Variants in MIOS observed in about 807,000 individuals in gnomAD.
MIOS encodes meiosis regulator for oocyte development.
A neutral mutation model predicts 96.9 loss-of-function variants in MIOS; 52 were observed. That is an observed-to-expected ratio of 0.54 (90% CI 0.43 to 0.68). MIOS has a LOEUF of 0.68. Among genes scored for constraint, MIOS ranks in the 30% least tolerant of loss-of-function variants. The pLI, the probability that MIOS is intolerant of heterozygous loss-of-function variation, is 0.00. For synonymous variants in MIOS, 397 were observed against 359.5 expected, an observed-to-expected ratio of 1.10 and a Z score of -1.18; for missense variants, 1,005 against 1,052.8, an observed-to-expected ratio of 0.95 and a Z score of 0.63.
In MIOS at chr7:7,574,184, A is replaced by C. The variant is rs756528325; in HGVS notation, c.1381A>C (p.Lys461Gln). The C allele has an allele frequency of 6.2e-7, 1 of 1,605,514 alleles. No individual in the cohort carries two copies. The highest frequency in any genetic ancestry group is 1.1e-5 in the South Asian group (1 of 89,724). Reference protein sequence around the residue: ...LVYAGIKSIVKSSLGMVESSR... With the variant: ...LVYAGIKSIVQSSLGMVESSR... Reference sequence around the variant, plus strand: ...TTATGCAGGAATTAAATCAATTGTAAAGTCATCGTTGGGTAAGAAAATTCT... The same window carrying C: ...TTATGCAGGAATTAAATCAATTGTACAGTCATCGTTGGGTAAGAAAATTCT... Residue 461 changes from lysine to glutamine, a missense_variant, in exon 5 of 13, where the codon AAG (lysine) becomes CAG (glutamine). This residue lies in a region of MIOS where 865 missense variants were observed against 887.9 expected (regional missense o/e 0.97). Coordinates refer to ENST00000340080, the MANE Select transcript of MIOS (RefSeq NM_019005.4).
At chr7:7,574,853 A>G (rs7779415) in intron 5 of MIOS, among the ~76,000 whole-genome samples, 93,045 of 151,760 alleles carry the variant, frequency 0.61, 29,803 homozygotes, top group Admixed American at 0.73. Flanking sequence ...AATGGGTTAT[A>G]TTAGAATTGC....
intron 5 of MIOS, among the ~76,000 whole-genome samples, chr7:7,575,673 G>GT (rs1167150769): frequency 1.3e-5 from 2 of 152,058 alleles, no homozygotes; most frequent in African/African-American, 2.4e-5. Flanking sequence ...TGGTTATTGT[G>GT]TTTTTTGTAT....
Position 7,595,060 on chromosome 7 carries a change from G to C in MIOS, c.2124G>C (p.Arg708Ser). Residue 708 changes from arginine to serine, a missense_variant, in exon 10 of 13, where the codon AGG becomes AGC. By Grantham distance (110) the Arg-to-Ser change is moderately radical. Around this residue, in one of 3 missense-constraint regions of MIOS, gnomAD observed 865 missense variants for 887.9 expected, o/e 0.97. Coordinates refer to ENST00000340080, the MANE Select transcript of MIOS (RefSeq NM_019005.4). ...ENYRNLLDAW[R>S]FWHKRAEFDI... ...ATAGAAATTTATTAGATGCCTGGAG[G>C]TTTTGGCATAAACGAGCTGAATTTG... 6.2e-7 allele frequency: 1 copy of C among 1,614,004 alleles called. No individual in the cohort carries two copies. The highest frequency in any genetic ancestry group is 8.5e-7 in the Non-Finnish European group (1 of 1,179,934).
At chr7:7,584,317 A>G (rs531628522) in intron 6 of MIOS, among the ~76,000 whole-genome samples, 1 of 152,288 alleles carries the variant, frequency 6.6e-6, no homozygotes, top group South Asian at 2.1e-4. Flanking sequence ...ATTGATATTT[A>G]AAGCCATTTC....
At chr7:7,606,327 A>G (rs1161638904) in intron 12 of MIOS, among the ~76,000 whole-genome samples, 5 of 152,224 alleles carry the variant, frequency 3.3e-5, no homozygotes, top group Non-Finnish European at 7.3e-5. Context: ...AACATTATTT[A>G]ACTTTATTCG....
At chr7:7,568,995 T>A (rs1217668589) in intron 3 of MIOS, among the ~76,000 whole-genome samples, 1 of 152,256 alleles carries the variant, frequency 6.6e-6, no homozygotes, top group East Asian at 1.9e-4. Flanking sequence ...AGATGGATTT[T>A]TCTTTGTGGC....
Position 7,573,766 on chromosome 7 carries a change from C to T in MIOS, c.1291C>T (p.His431Tyr). ...PQLKSLWYTLHFMKQYTEDMD... is the reference protein window; with the variant it reads ...PQLKSLWYTLYFMKQYTEDMD... Reference sequence around the variant, plus strand: ...GCTCAAGTCACTCTGGTATACTCTGCACTATATCCTTTTCATTGTGAATTT... The same window carrying T: ...GCTCAAGTCACTCTGGTATACTCTGTACTATATCCTTTTCATTGTGAATTT... Residue 431 changes from histidine (H) to tyrosine (Y), a missense_variant, in exon 4 of 13, where the codon CAC becomes TAC. Physicochemically the swap from His to Tyr is moderately conservative, Grantham distance 83 (BLOSUM62 2). Transcript: ENST00000340080. The surrounding 1 kb of genome is among the most constrained non-coding windows in gnomAD (Gnocchi z 5.0). 1.3e-6 allele frequency: 2 copies of T among 1,565,170 alleles called. No homozygotes were observed. Among genetic ancestry groups the T allele is most frequent in the East Asian group, 2.3e-5 (1 of 44,348 alleles).
intron 10 of MIOS, 34 bp from the exon 11 acceptor site, chr7:7,596,223 A>G (rs1197273144): frequency 8.2e-6 from 13 of 1,587,262 alleles, no homozygotes; most frequent in African/African-American, 1.3e-5. Flanking sequence ...TATGGTTTGC[A>G]TTACATTTAT....
At chr7:7,603,799 C>G (rs1784446979) in intron 11 of MIOS, among the ~76,000 whole-genome samples, 1 of 152,002 alleles carries the variant, frequency 6.6e-6, no homozygotes, top group Non-Finnish European at 1.5e-5. Flanking sequence ...ATAGCAAAGA[C>G]TTGGAACCAA....
In MIOS at chr7:7,572,631, A is replaced by G; in HGVS notation, c.156A>G (p.Thr52=). The G allele has an allele frequency of 6.2e-7, 1 of 1,614,152 alleles. No homozygotes were observed. Among genetic ancestry groups the G allele is most frequent in the South Asian group, 1.1e-5 (1 of 91,082 alleles). The change falls in exon 4 of 13, where the codon ACA becomes ACG. Residue 52 remains threonine, a synonymous_variant. Coordinates refer to ENST00000340080, the MANE Select transcript of MIOS (RefSeq NM_019005.4). This position sits in a 1 kb window ranked among gnomAD's most constrained non-coding sequence, Gnocchi z 4.8. ...GTTTATCTGAAGACTCTGCAGCTAC[A>G]TTACTGTCAATAAATTCAGATACAC... is the stretch of plus-strand genomic sequence containing the variant. ...SLRLSEDSAA[T]LLSINSDTPY...
At chr7:7,571,275 A>G (rs1445035142) in intron 3 of MIOS, among the ~76,000 whole-genome samples, 1 of 152,208 alleles carries the variant, frequency 6.6e-6, no homozygotes, top group African/African-American at 2.4e-5. Flanking sequence ...AACTATAGCT[A>G]TATTTAGTTC....
intron 7 of MIOS, 51 bp downstream of exon 7, chr7:7,585,856 T>G: frequency 7.1e-7 from 1 of 1,400,832 alleles, no homozygotes; most frequent in Non-Finnish European, 9.6e-7. Context: ...ATAGGAGTTT[T>G]TATCTAACTT....
At chr7:7,568,925 G>A (rs917545603) in intron 3 of MIOS, among the ~76,000 whole-genome samples, 2 of 152,194 alleles carry the variant, frequency 1.3e-5, no homozygotes, top group Non-Finnish European at 2.9e-5. Flanking sequence ...ATTCTCCGTT[G>A]AGAGTCATGT....
chr7:7,593,261 A>C (rs1784100917), intron 9 of MIOS, among the ~76,000 whole-genome samples: 1 of 152,238 alleles, frequency 6.6e-6, no homozygotes, highest in Non-Finnish European at 1.5e-5. Flanking sequence ...TTTTTTAAGA[A>C]ATGAAATTGT....
At position 7,573,503 on chromosome 7, in the gene MIOS, C is replaced by T. The variant is rs1161451253; in HGVS notation, c.1028C>T (p.Pro343Leu). 6.2e-7 allele frequency: 1 copy of T among 1,614,094 alleles called. No individual in the cohort carries two copies. The highest frequency in any genetic ancestry group is 8.5e-7 in the Non-Finnish European group (1 of 1,179,960). The stretch of plus-strand genomic sequence containing the variant: ...CAAAATCGAATGATAGTTGTAACTC[C>T]CAACCGAACAATGTCAGACTTCACT... ...TSQNRMIVVTPNRTMSDFTVF... is the reference protein window; with the variant it reads ...TSQNRMIVVTLNRTMSDFTVF... Residue 343 changes from proline to leucine, a missense_variant, in exon 4 of 13, where the codon CCC becomes CTC. Around this residue, in one of 3 missense-constraint regions of MIOS, gnomAD observed 865 missense variants for 887.9 expected, o/e 0.97. Transcript: ENST00000340080. This position sits in a 1 kb window ranked among gnomAD's most constrained non-coding sequence, Gnocchi z 5.0.
At chr7:7,581,423 G>C (rs748381154) in intron 5 of MIOS, among the ~76,000 whole-genome samples, 1 of 152,126 alleles carries the variant, frequency 6.6e-6, no homozygotes, top group African/African-American at 2.4e-5. Context: ...AATGACTGTA[G>C]CTAAATTAAC....
At chr7:7,586,140 CTG>C (rs1783878870) in intron 7 of MIOS, among the ~76,000 whole-genome samples, 1 of 150,946 alleles carries the variant, frequency 6.6e-6, no homozygotes, top group Admixed American at 6.6e-5. Context: ...GCTGTTTACA[CTG>C]TGCACACATG....
intron 8 of MIOS, among the ~76,000 whole-genome samples, chr7:7,588,996 T>G (rs1384925241): frequency 6.6e-6 from 1 of 152,028 alleles, no homozygotes; most frequent in African/African-American, 2.4e-5. Flanking sequence ...TGGCAAGAGT[T>G]TGGGGTGGGT....
intron 5 of MIOS, among the ~76,000 whole-genome samples, chr7:7,582,259 A>T (rs1295735053): frequency 1.3e-5 from 2 of 152,228 alleles, no homozygotes; most frequent in East Asian, 3.8e-4. Flanking sequence ...AATTTAGTTT[A>T]TTCTGAAAAT....
Sources: gnomAD v4.1 joint callset for allele counts (sites outside exome capture counted in the v4.1 genomes callset) on GRCh38, gnomAD v4.1.1 for gene constraint, gnomAD v4.1.1 regional missense constraint, Gnocchi (gnomAD v3.1) non-coding constraint, MANE v1.5 for transcripts, NCBI Gene and HGNC (gene_info 2026-07-23, HGNC 2026-07-21) for gene names.